The following EPS15 variants were observed in gnomAD, a reference collection of about 807,000 sequenced individuals.
The protein encoded by EPS15 is epidermal growth factor receptor pathway substrate 15, also known as epidermal growth factor receptor substrate 15.
In EPS15, 72 loss-of-function variants were observed where a neutral mutation model predicts 113.8. The ratio of observed to expected loss-of-function variants is 0.63; its 90% CI spans 0.52 to 0.77. The LOEUF is 0.77. Among genes scored for constraint, EPS15 ranks in the 30% least tolerant of loss-of-function variants. The pLI, the probability that EPS15 is intolerant of heterozygous loss-of-function variation, is 0.00. For missense variants in EPS15, 1,048 were observed against 1,045.8 expected (o/e 1.00, Z -0.03); for synonymous variants, 344 against 363.4 (o/e 0.95, Z 0.61).
chr1:51,518,872 G>A (rs1644782788), intron 1 of EPS15, among the ~76,000 whole-genome samples: 1 of 151,734 alleles, frequency 6.6e-6, no homozygotes, highest in Non-Finnish European at 1.5e-5. Flanking sequence ...GGTGAAAGCT[G>A]CCCCGCGGGA....
intron 8 of EPS15, chr1:51,457,942 C>T (rs10788934): frequency 6.6e-6 from 1 of 151,890 alleles, no homozygotes; most frequent in Non-Finnish European, 1.5e-5. Flanking sequence ...TAAAATAAAT[C>T]GGTAAAGAAG....
intron 20 of EPS15, among the ~76,000 whole-genome samples, chr1:51,398,797 G>C (rs1648223879): frequency 6.6e-6 from 1 of 152,126 alleles, no homozygotes; most frequent in Non-Finnish European, 1.5e-5. Context: ...TCTCTTGAAA[G>C]ATGAACATCA....
At chr1:51,382,153 T>C (rs1331463105) in intron 21 of EPS15, among the ~76,000 whole-genome samples, 1 of 152,190 alleles carries the variant, frequency 6.6e-6, no homozygotes, top group Non-Finnish European at 1.5e-5. Flanking sequence ...CACAGTGCTA[T>C]GAACAATTAT....
At chr1:51,442,994 G>A (rs976563485) in intron 11 of EPS15, among the ~76,000 whole-genome samples, 5 of 152,094 alleles carry the variant, frequency 3.3e-5, no homozygotes, top group Non-Finnish European at 5.9e-5. Flanking sequence ...AAAGAGAAAA[G>A]AGGTTATTTG....
Position 51,394,400 on chromosome 1 carries a change from A to G in EPS15, c.2100T>C (p.Val700=). 1 of 1,600,922 alleles carries G rather than the reference A, an allele frequency of 6.2e-7. No individual in the cohort carries two copies. The highest frequency in any genetic ancestry group is 8.5e-7 in the Non-Finnish European group (1 of 1,171,240). Residue 700 remains valine, a synonymous_variant, in exon 21 of 25, where the codon GTT becomes GTC. Transcript: ENST00000371733. ...ATTTACCTGAATCGCTTGCTGCAAC[A>G]ACTGTTCCACCAGGAGCAAAAGGAT... The part of the protein sequence containing the change: ...HNDPFAPGGT[V]VAASDSATDP...
intron 1 of EPS15, among the ~76,000 whole-genome samples, chr1:51,485,505 A>G (rs1242877549): frequency 6.6e-6 from 1 of 152,182 alleles, no homozygotes; most frequent in African/African-American, 2.4e-5. Flanking sequence ...GGATGGGAGG[A>G]TCACTTGAGC....
chr1:51,434,039 G>C (rs1428083494), intron 12 of EPS15, among the ~76,000 whole-genome samples: 1 of 152,150 alleles, frequency 6.6e-6, no homozygotes, highest in Non-Finnish European at 1.5e-5. Flanking sequence ...TTAAGTGTCT[G>C]GGAACTCCTG....
intron 18 of EPS15, 82 bp from the exon 19 acceptor site, chr1:51,401,035 AAAAGC>A (rs1358086481): frequency 8.1e-6 from 7 of 861,876 alleles, no homozygotes; most frequent in South Asian, 1.7e-5. Context: ...ACTTTCAAAC[AAAAGC>A]AAAGCAAAGT....
chr1:51,397,682 A>G (rs1179285784), intron 20 of EPS15, among the ~76,000 whole-genome samples: 2 of 152,222 alleles, frequency 1.3e-5, no homozygotes, highest in African/African-American at 4.8e-5. Context: ...TCAATGGAAA[A>G]CACCAGTTCT....
chr1:51,424,097 C>T (rs1651004842), intron 12 of EPS15, among the ~76,000 whole-genome samples: 1 of 152,062 alleles, frequency 6.6e-6, no homozygotes, highest in Non-Finnish European at 1.5e-5. Context: ...AAATTCTGGT[C>T]TTACAATATT....
chr1:51,356,513 T>G lies in EPS15; in HGVS notation c.*187A>C. ...TTGTCTGACTGGGTTACGGCTTTTA[T>G]AAGAAAAAAAAAAAAAGACGAATCT... On this transcript the variant is annotated 3_prime_UTR_variant, in exon 25 of 25. Coordinates refer to ENST00000371733, the MANE Select transcript of EPS15 (RefSeq NM_001981.3). The G allele has an allele frequency of 2.2e-6, 1 of 463,574 alleles. No homozygotes were observed. Among genetic ancestry groups the G allele is most frequent in the South Asian group, 3.1e-5 (1 of 32,354 alleles). The allele number at this position is 463,574 out of a possible 1,614,324, so 28.7% of individuals were successfully genotyped here.
chr1:51,400,398 A>G (rs1033218802), intron 19 of EPS15, among the ~76,000 whole-genome samples: 1 of 152,176 alleles, frequency 6.6e-6, no homozygotes, highest in African/African-American at 2.4e-5. Context: ...TCATTTTTAA[A>G]AAAGTAAAGC....
At chr1:51,493,885 G>C (rs1280199399) in intron 1 of EPS15, among the ~76,000 whole-genome samples, 2 of 152,034 alleles carry the variant, frequency 1.3e-5, no homozygotes, top group African/African-American at 2.4e-5. Flanking sequence ...AAAGTGCTGG[G>C]ATTACAGGCA....
At chr1:51,438,211 T>C (rs1263692112) in intron 12 of EPS15, among the ~76,000 whole-genome samples, 3 of 152,196 alleles carry the variant, frequency 2.0e-5, no homozygotes, top group Admixed American at 6.5e-5. Flanking sequence ...CGTCAAATCA[T>C]GTATAAATAT....
At chr1:51,370,044 A>G (rs934644640) in intron 21 of EPS15, among the ~76,000 whole-genome samples, 2 of 152,264 alleles carry the variant, frequency 1.3e-5, no homozygotes, top group East Asian at 1.9e-4. Context: ...AAAAACAGCT[A>G]TCTACCAGAA....
chr1:51,456,538 C>T (rs1162582663), intron 8 of EPS15, among the ~76,000 whole-genome samples: 3 of 151,974 alleles, frequency 2.0e-5, no homozygotes, highest in African/African-American at 7.2e-5. Context: ...GTATAAACTG[C>T]CATAGGCCAA....
intron 1 of EPS15, among the ~76,000 whole-genome samples, chr1:51,491,859 A>ATTTTTT (rs1007233147): frequency 7.7e-6 from 1 of 129,822 alleles, no homozygotes; most frequent in African/African-American, 3.0e-5. Flanking sequence ...AACTCATTTA[A>ATTTTTT]TTTTTTTTTT....
At chr1:51,508,248 AAGAG>A (rs151142424) in intron 1 of EPS15, among the ~76,000 whole-genome samples, 2,722 of 103,558 alleles carry the variant, frequency 0.026, 85 homozygotes, top group East Asian at 0.053. Context: ...GAAAGAGAGA[AAGAG>A]AGAGAGAGAG....
At chr1:51,416,127 C>T (rs116443974) in intron 13 of EPS15, among the ~76,000 whole-genome samples, 85 of 152,246 alleles carry the variant, frequency 5.6e-4, no homozygotes, top group African/African-American at 2.0e-3. Context: ...ATGCCCTTAA[C>T]TAGAGCAGTG....
Sources: gnomAD v4.1 joint callset for allele counts (sites outside exome capture counted in the v4.1 genomes callset) on GRCh38, gnomAD v4.1.1 for gene constraint, MANE v1.5 for transcripts, NCBI Gene and HGNC (gene_info 2026-07-23, HGNC 2026-07-21) for gene names.